Variants in SASS6 observed in about 807,000 individuals in gnomAD.
SASS6 encodes spindle assembly abnormal protein 6 homolog.
In SASS6, 59 loss-of-function variants were observed where a neutral mutation model predicts 94.9. The observed-to-expected ratio is 0.62, with a 90% CI of 0.50 to 0.77. The LOEUF (loss-of-function observed/expected upper bound fraction) is 0.77. Among genes scored for constraint, SASS6 ranks in the 30% least tolerant of loss-of-function variants. SASS6 has a pLI of 0.00. For missense variants in SASS6, 698 were observed against 734.1 expected (o/e 0.95, Z 0.57); for synonymous variants, 264 against 270.0 (o/e 0.98, Z 0.22).
chr1:100,088,098 C>T, intron 15 of SASS6, 41 bp downstream of exon 15: 1 of 1,121,294 alleles, frequency 8.9e-7, no homozygotes, highest in Non-Finnish European at 1.4e-6. Flanking sequence ...AGATGGCCTT[C>T]AAAATTGCAA....
At chr1:100,128,857 A>G (rs1381552446) in intron 1 of SASS6, among the ~76,000 whole-genome samples, 1 of 152,224 alleles carries the variant, frequency 6.6e-6, no homozygotes, top group Non-Finnish European at 1.5e-5. Context: ...GACACCCAGT[A>G]GCTGTGCTCT....
At chr1:100,103,692 C>T (rs60075760) in intron 13 of SASS6, among the ~76,000 whole-genome samples, 6,288 of 152,134 alleles carry the variant, frequency 0.041, 325 homozygotes, top group African/African-American at 0.12. Flanking sequence ...AATTTTAAGC[C>T]GGACAAAAAA....
chr1:100,132,308 G>T (rs985496092), intron 1 of SASS6, among the ~76,000 whole-genome samples: 5 of 152,114 alleles, frequency 3.3e-5, no homozygotes, highest in African/African-American at 1.2e-4. Context: ...TTTAAAAGTT[G>T]AACTTTACTG....
intron 15 of SASS6, 32 bp from the exon 16 acceptor site, chr1:100,085,662 CAA>C (rs989464138): frequency 7.5e-7 from 1 of 1,333,784 alleles, no homozygotes. Context: ...ACTTATTTAA[CAA>C]AGTCTTTATT....
At chr1:100,103,143 T>C (rs1652626963) in intron 13 of SASS6, 60 bp from the exon 14 acceptor site, 1 of 1,125,056 alleles carries the variant, frequency 8.9e-7, no homozygotes, top group Non-Finnish European at 1.3e-6. Context: ...TAGTATTTGT[T>C]GATCAGGTGG....
chr1:100,126,028 G>C, intron 1 of SASS6, 86 bp from the exon 2 acceptor site: 3 of 689,890 alleles, frequency 4.3e-6, no homozygotes, highest in Non-Finnish European at 7.4e-6. Context: ...TCAGTCTTAA[G>C]TGACAAGACT....
intron 1 of SASS6, among the ~76,000 whole-genome samples, chr1:100,132,160 G>A (rs1266536325): frequency 1.3e-5 from 2 of 152,166 alleles, no homozygotes; most frequent in Non-Finnish European, 2.9e-5. Flanking sequence ...GCCCAGTAAG[G>A]TGTTTTACAA....
In SASS6 at chr1:100,110,272, A is replaced by G; in HGVS notation, c.861+20T>C. The G allele has an allele frequency of 1.4e-6, 2 of 1,471,274 alleles. No homozygotes were observed. The highest frequency in any genetic ancestry group is 1.8e-6 in the Non-Finnish European group (2 of 1,098,138). 91.1% of individuals were successfully genotyped at this position (1,471,274 alleles called of 1,614,324 possible). A position where few individuals can be genotyped will look rare whatever the true frequency, so the allele number is the denominator to read the frequency against. ...AACGTTCTCTTAAATTGGGGGAGGA[A>G]AAAAAACAACATTCAATACCTCTTC... is the stretch of plus-strand genomic sequence containing the variant. On this transcript the variant is annotated intron_variant, in intron 8 of 16. Transcript: ENST00000287482.
chr1:100,105,513 C>T (rs1006252523), intron 13 of SASS6, among the ~76,000 whole-genome samples: 20 of 151,278 alleles, frequency 1.3e-4, no homozygotes, highest in African/African-American at 4.6e-4. Flanking sequence ...AGCGACAGAG[C>T]GAGACTCCAT....
chr1:100,091,870 G>A (rs1651725153), intron 14 of SASS6, among the ~76,000 whole-genome samples: 1 of 151,178 alleles, frequency 6.6e-6, no homozygotes. Flanking sequence ...AGAAAGAAGA[G>A]TGTTCTGCAG....
intron 7 of SASS6, among the ~76,000 whole-genome samples, chr1:100,114,076 CA>C (rs1653606137): frequency 3.3e-5 from 5 of 151,788 alleles, no homozygotes; most frequent in Middle Eastern, 3.4e-3. Flanking sequence ...TATAAATTAG[CA>C]AAACTCAAGA....
chr1:100,115,140 A>G (rs1201775748), intron 7 of SASS6, among the ~76,000 whole-genome samples: 1 of 152,226 alleles, frequency 6.6e-6, no homozygotes, highest in East Asian at 1.9e-4. Flanking sequence ...ACTAATTTTT[A>G]TAGTTTACAT....
At chr1:100,105,418 T>C (rs1181691015) in intron 13 of SASS6, among the ~76,000 whole-genome samples, 1 of 151,942 alleles carries the variant, frequency 6.6e-6, no homozygotes, top group Non-Finnish European at 1.5e-5. Flanking sequence ...TCCCAGCTAC[T>C]TGGGAAGCTG....
chr1:100,125,281 TTA>T (rs1557895786), intron 2 of SASS6, among the ~76,000 whole-genome samples: 1 of 148,892 alleles, frequency 6.7e-6, no homozygotes, highest in Non-Finnish European at 1.5e-5. Flanking sequence ...AAATATATTT[TTA>T]TATATATGTT....
chr1:100,115,237 CATACACTACTG>C (rs1297668268), intron 7 of SASS6, among the ~76,000 whole-genome samples: 3 of 152,104 alleles, frequency 2.0e-5, no homozygotes, highest in Admixed American at 6.5e-5. Context: ...ATGACATTAA[CATACACTACTG>C]ATAAACAATT....
intron 14 of SASS6, among the ~76,000 whole-genome samples, chr1:100,093,028 T>C (rs764494563): frequency 6.6e-6 from 1 of 152,150 alleles, no homozygotes; most frequent in African/African-American, 2.4e-5. Flanking sequence ...GTATGTATAT[T>C]GTACTTTAAG....
At position 100,084,142 on chromosome 1, in the gene SASS6, TAAAAAA is replaced by T. The variant is rs536884164; in HGVS notation, c.*1180_*1185del. ...CAATAGTTTCAAGATACTGGCTTCGTAAAAAAAAAAAAAAAATTAGCAAAGATTCTT... is the reference window on the plus strand; with the variant it reads ...CAATAGTTTCAAGATACTGGCTTCGTAAAAAAAAAATTAGCAAAGATTCTT... On this transcript the variant is annotated 3_prime_UTR_variant, in exon 17 of 17. Transcript: ENST00000287482. The T allele has an allele frequency of 7.2e-6, 1 of 137,988 alleles. No individual in the cohort carries two copies. The highest frequency in any genetic ancestry group is 2.6e-5 in the African/African-American group (1 of 38,150). The allele number at this position is 137,988 out of a possible 1,614,324, so 8.5% of individuals were successfully genotyped here.
chr1:100,105,717 T>G (rs772312049), intron 13 of SASS6, 50 bp downstream of exon 13: 1 of 1,569,994 alleles, frequency 6.4e-7, no homozygotes, highest in African/African-American at 1.4e-5. Context: ...GGAAATACTT[T>G]TGTTTCAGGA....
At chr1:100,087,741 G>A (rs961490940) in intron 15 of SASS6, among the ~76,000 whole-genome samples, 1 of 152,038 alleles carries the variant, frequency 6.6e-6, no homozygotes, top group Non-Finnish European at 1.5e-5. Context: ...CAATAAATCA[G>A]AAAAATGGAG....
Sources: gnomAD v4.1 joint callset for allele counts (sites outside exome capture counted in the v4.1 genomes callset) on GRCh38, gnomAD v4.1.1 for gene constraint, MANE v1.5 for transcripts, NCBI Gene and HGNC (gene_info 2026-07-23, HGNC 2026-07-21) for gene names.